GRIK3: variants seen among roughly 807,000 people sequenced by gnomAD.
The protein encoded by GRIK3 is glutamate ionotropic receptor kainate type subunit 3.
In GRIK3, 29 loss-of-function variants were observed where a neutral mutation model predicts 102.5. The ratio of observed to expected loss-of-function variants is 0.28; its 90% CI spans 0.21 to 0.39. The LOEUF is 0.39. Ranked by LOEUF, GRIK3 falls within the 10% of genes least tolerant of loss-of-function variation. The probability of loss-of-function intolerance (pLI) is 1.00; values close to 1 mark genes in which losing one functional copy is unlikely to be tolerated. For synonymous variants in GRIK3, 511 were observed against 504.9 expected (o/e 1.01, Z -0.16); for missense variants, 908 against 1,252.4 (o/e 0.73, Z 4.15).
rs1267559735 is a variant in GRIK3, at chr1:36,798,890, T to C, written c.*2961A>G. 6.6e-6 allele frequency: 1 copy of C among 152,262 alleles called. No individual in the cohort carries two copies. The highest frequency in any genetic ancestry group is 1.5e-5 in the Non-Finnish European group (1 of 68,052). The allele number at this position is 152,262 out of a possible 1,614,324, so 9.4% of individuals were successfully genotyped here. Reference sequence around the variant, plus strand: ...GAATTCTGCCTCTATTTATCCACTATTCTTTGTTCGTTTTATAAAAATTCT... The same window carrying C: ...GAATTCTGCCTCTATTTATCCACTACTCTTTGTTCGTTTTATAAAAATTCT... On this transcript the variant is annotated 3_prime_UTR_variant, in exon 16 of 16. Transcript: ENST00000373091.
intron 1 of GRIK3, among the ~76,000 whole-genome samples, chr1:36,949,605 G>A (rs1261088440): frequency 1.1e-4 from 11 of 95,900 alleles, no homozygotes; most frequent in Admixed American, 1.7e-4. Flanking sequence ...TTTGAGTCTC[G>A]CTCTGTTGCC....
intron 1 of GRIK3, among the ~76,000 whole-genome samples, chr1:36,994,255 T>A (rs142283379): frequency 1.3e-5 from 2 of 152,324 alleles, no homozygotes; most frequent in African/African-American, 4.8e-5. Context: ...ATGGGGATAA[T>A]AACCCCTACC....
At chr1:36,950,455 A>C (rs1186540676) in intron 1 of GRIK3, among the ~76,000 whole-genome samples, 3 of 152,236 alleles carry the variant, frequency 2.0e-5, no homozygotes, top group Non-Finnish European at 4.4e-5. Flanking sequence ...TTTATTTGAC[A>C]AATCCTAACA....
At chr1:36,961,702 G>A (rs1395176192) in intron 1 of GRIK3, among the ~76,000 whole-genome samples, 3 of 152,234 alleles carry the variant, frequency 2.0e-5, no homozygotes, top group Non-Finnish European at 4.4e-5. Context: ...GGATGTGTTC[G>A]ATGAAATCAT....
chr1:37,012,164 CA>C (rs1642603306), intron 1 of GRIK3, among the ~76,000 whole-genome samples: 1 of 152,170 alleles, frequency 6.6e-6, no homozygotes, highest in Admixed American at 6.5e-5. Context: ...GAACGAGTGC[CA>C]GGGGGCCATT....
At chr1:36,978,314 A>G (rs962681595) in intron 1 of GRIK3, among the ~76,000 whole-genome samples, 3 of 152,232 alleles carry the variant, frequency 2.0e-5, no homozygotes, top group Non-Finnish European at 4.4e-5. Context: ...GCATCTATCA[A>G]TATACTGAGC....
chr1:36,878,011 T>G (rs574520185), intron 3 of GRIK3, among the ~76,000 whole-genome samples: 1 of 152,340 alleles, frequency 6.6e-6, no homozygotes, highest in African/African-American at 2.4e-5. Context: ...CCGTATACTC[T>G]TTCCTTCAAT....
At chr1:36,975,980 TC>T (rs1314602599) in intron 1 of GRIK3, among the ~76,000 whole-genome samples, 1 of 152,174 alleles carries the variant, frequency 6.6e-6, no homozygotes, top group Non-Finnish European at 1.5e-5. Flanking sequence ...GAGGAGAGTC[TC>T]CAAAAGTGAA....
intron 1 of GRIK3, among the ~76,000 whole-genome samples, chr1:36,893,676 C>T (rs1222415575): frequency 1.3e-5 from 2 of 152,100 alleles, no homozygotes; most frequent in South Asian, 2.1e-4. Flanking sequence ...GCCTGTGACT[C>T]GGGAATTTGA....
At chr1:36,931,528 G>A (rs1050868873) in intron 1 of GRIK3, among the ~76,000 whole-genome samples, 22 of 152,118 alleles carry the variant, frequency 1.4e-4, no homozygotes, top group Non-Finnish European at 8.8e-5. Context: ...TCCCCTAAAA[G>A]ACTGCAAGTT....
chr1:36,873,818 G>A (rs1416289265), intron 3 of GRIK3, among the ~76,000 whole-genome samples: 1 of 152,212 alleles, frequency 6.6e-6, no homozygotes, highest in Non-Finnish European at 1.5e-5. Flanking sequence ...CTCAGAAACT[G>A]TGTTAGAACA....
chr1:36,984,849 A>T (rs1451336995), intron 1 of GRIK3, among the ~76,000 whole-genome samples: 1 of 152,226 alleles, frequency 6.6e-6, no homozygotes, highest in Non-Finnish European at 1.5e-5. Flanking sequence ...TAGCCAGGAC[A>T]TTCCAGGCCT....
At chr1:36,817,948 C>T (rs1015355745) in intron 12 of GRIK3, among the ~76,000 whole-genome samples, 2 of 152,124 alleles carry the variant, frequency 1.3e-5, no homozygotes, top group African/African-American at 2.4e-5. Flanking sequence ...AGCTCTTTGC[C>T]GAAATATATG....
At chr1:36,924,210 C>A (rs1641502935) in intron 1 of GRIK3, among the ~76,000 whole-genome samples, 1 of 152,136 alleles carries the variant, frequency 6.6e-6, no homozygotes, top group Non-Finnish European at 1.5e-5. Context: ...CCAATTCGAG[C>A]AAGACTGAAG....
At chr1:36,878,440 G>A (rs1279891872) in intron 3 of GRIK3, among the ~76,000 whole-genome samples, 1 of 152,194 alleles carries the variant, frequency 6.6e-6, no homozygotes, top group Non-Finnish European at 1.5e-5. Context: ...TCTTTTCTGA[G>A]GGAGTCTCTC....
At chr1:36,966,827 G>A (rs941113110) in intron 1 of GRIK3, among the ~76,000 whole-genome samples, 5 of 151,942 alleles carry the variant, frequency 3.3e-5, no homozygotes, top group African/African-American at 1.2e-4. Flanking sequence ...CTTAGATCCT[G>A]AGAAGAAAAT....
At chr1:37,008,546 G>A (rs953332858) in intron 1 of GRIK3, among the ~76,000 whole-genome samples, 2 of 152,206 alleles carry the variant, frequency 1.3e-5, no homozygotes, top group African/African-American at 4.8e-5. Flanking sequence ...CCTGACATTG[G>A]CCCAGACAAA....
intron 5 of GRIK3, among the ~76,000 whole-genome samples, chr1:36,866,725 A>G (rs1333119408): frequency 6.6e-6 from 1 of 152,058 alleles, no homozygotes; most frequent in Non-Finnish European, 1.5e-5. Flanking sequence ...AAGGGAGTGG[A>G]AGAGTCTCAA....
At chr1:37,024,445 C>CTAT (rs10630686) in intron 1 of GRIK3, among the ~76,000 whole-genome samples, 12,455 of 145,580 alleles carry the variant, frequency 0.086, 631 homozygotes, top group African/African-American at 0.14. Flanking sequence ...GCAGGTACAA[C>CTAT]TATTATTATT....
Sources: gnomAD v4.1 joint callset for allele counts (sites outside exome capture counted in the v4.1 genomes callset) on GRCh38, gnomAD v4.1.1 for gene constraint, MANE v1.5 for transcripts, NCBI Gene and HGNC (gene_info 2026-07-23, HGNC 2026-07-21) for gene names.